The following YWHAH variants were observed in gnomAD, a reference collection of about 807,000 sequenced individuals.
The protein encoded by YWHAH is tyrosine 3-monooxygenase/tryptophan 5-monooxygenase activation protein eta.
Under a neutral mutation model 22.9 loss-of-function variants are expected in YWHAH, and 6 were observed. The observed-to-expected ratio is 0.26, with a 90% CI of 0.14 to 0.52. The LOEUF is 0.52. Among genes scored for constraint, YWHAH ranks in the 20% least tolerant of loss-of-function variants. The pLI is 0.97. For missense variants in YWHAH, 173 were observed against 308.6 expected (o/e 0.56, Z 3.29); for synonymous variants, 135 against 124.5 (o/e 1.08, Z -0.56).
At position 31,944,706 on chromosome 22, in the gene YWHAH, C is replaced by T. The variant is rs2093830617; in HGVS notation, c.-28C>T. On this transcript the variant is annotated 5_prime_UTR_variant, in exon 1 of 2. Transcript: ENST00000248975. ...GGGCTAGCGAGCCAGCGGTGTGAGG[C>T]GCGAGGCGAGGCCGAGCCGCGAGCG... 2 of 1,359,370 alleles carry T rather than the reference C, an allele frequency of 1.5e-6. No homozygotes were observed. The highest frequency in any genetic ancestry group is 1.5e-5 in the South Asian group (1 of 65,328). The allele number at this position is 1,359,370 out of a possible 1,614,324, so 84.2% of individuals were successfully genotyped here. A position where few individuals can be genotyped will look rare whatever the true frequency, so the allele number is the denominator to read the frequency against.
chr22:31,950,308 G>C (rs2093841483), intron 1 of YWHAH: 1 of 778,888 alleles, frequency 1.3e-6, no homozygotes, highest in Admixed American at 1.7e-5. Flanking sequence ...CTGTCTCTAG[G>C]TTGCTGGTAA....
chr22:31,953,954 A>G (rs1348302407), intron 1 of YWHAH, among the ~76,000 whole-genome samples: 1 of 152,192 alleles, frequency 6.6e-6, no homozygotes, highest in African/African-American at 2.4e-5. Context: ...GGGAGGACTC[A>G]GACAATTGCT....
intron 1 of YWHAH, among the ~76,000 whole-genome samples, chr22:31,955,721 C>T (rs1384487824): frequency 6.6e-6 from 1 of 152,202 alleles, no homozygotes; most frequent in Non-Finnish European, 1.5e-5. Context: ...GGATTACAGG[C>T]ATAAGCCATC....
chr22:31,945,372 C>T (rs2093832467), intron 1 of YWHAH: 5 of 1,281,248 alleles, frequency 3.9e-6, no homozygotes, highest in African/African-American at 1.5e-5. Context: ...TGTGCGAAGA[C>T]CCCTTTCCTG....
Position 31,956,119 on chromosome 22 carries a change from A to G in YWHAH, c.88-20A>G, listed in dbSNP as rs1265508264. The G allele has an allele frequency of 6.4e-7, 1 of 1,564,032 alleles. No individual in the cohort carries two copies. The highest frequency in any genetic ancestry group is 2.3e-5 in the East Asian group (1 of 44,326). On this transcript the variant is annotated intron_variant, in intron 1 of 1. Coordinates refer to ENST00000248975, the MANE Select transcript of YWHAH (RefSeq NM_003405.4). This position sits in a 1 kb window ranked among gnomAD's most constrained non-coding sequence, Gnocchi z 5.1. Reference sequence around the variant, plus strand: ...TTTTCAGATTTTGCTTTCAATGTTTATCTTTTTGGGGTTTTGCAGGTGACA... The same window carrying G: ...TTTTCAGATTTTGCTTTCAATGTTTGTCTTTTTGGGGTTTTGCAGGTGACA...
Position 31,956,046 on chromosome 22 carries a change from C to T in YWHAH, c.88-93C>T. The T allele has an allele frequency of 6.9e-7, 1 of 1,445,654 alleles. No individual in the cohort carries two copies. Among genetic ancestry groups the T allele is most frequent in the Non-Finnish European group, 9.3e-7 (1 of 1,071,526 alleles). The allele number at this position is 1,445,654 out of a possible 1,614,324, so 89.6% of individuals were successfully genotyped here. On this transcript the variant is annotated intron_variant, in intron 1 of 1. Coordinates refer to ENST00000248975, the MANE Select transcript of YWHAH (RefSeq NM_003405.4). The surrounding 1 kb of genome is among the most constrained non-coding windows in gnomAD (Gnocchi z 5.1). ...TGACTGACCTGTTCGTAATTCCGTT[C>T]TTGAGAAGGATTGTTGATTATGTTG...
intron 1 of YWHAH, among the ~76,000 whole-genome samples, chr22:31,946,037 G>T (rs1232371917): frequency 6.6e-6 from 1 of 152,226 alleles, no homozygotes; most frequent in Non-Finnish European, 1.5e-5. Context: ...AATATCAGAT[G>T]AAATATGTAG....
intron 1 of YWHAH, 166 bp downstream of exon 1, chr22:31,944,986 G>A (rs1033047744): frequency 3.8e-5 from 43 of 1,119,272 alleles, no homozygotes; most frequent in Non-Finnish European, 4.6e-5. Context: ...CCCGCTGGGC[G>A]CCCCGCCACT....
chr22:31,946,042 A>G (rs1303408857), intron 1 of YWHAH, among the ~76,000 whole-genome samples: 1 of 152,208 alleles, frequency 6.6e-6, no homozygotes, highest in Non-Finnish European at 1.5e-5. Flanking sequence ...CAGATGAAAT[A>G]TGTAGTTGGG....
intron 1 of YWHAH, chr22:31,947,481 T>G: frequency 2.1e-6 from 1 of 471,588 alleles, no homozygotes; most frequent in South Asian, 1.5e-5. Context: ...TGGAGGACAG[T>G]GTTGGTAAGC....
intron 1 of YWHAH, among the ~76,000 whole-genome samples, chr22:31,949,246 T>C (rs1055170495): frequency 2.0e-5 from 3 of 148,358 alleles, no homozygotes; most frequent in African/African-American, 7.7e-5. Flanking sequence ...TTCAAGCAAT[T>C]CTCCTGCCTC....
intron 1 of YWHAH, among the ~76,000 whole-genome samples, chr22:31,949,169 C>T (rs59688361): frequency 0.055 from 5,119 of 93,188 alleles, 316 homozygotes; most frequent in African/African-American, 0.21. Flanking sequence ...GAGACAGTTT[C>T]GCTCTTGTTG....
intron 1 of YWHAH, among the ~76,000 whole-genome samples, chr22:31,949,263 C>G (rs2093839593): frequency 6.6e-6 from 1 of 151,294 alleles, no homozygotes; most frequent in Admixed American, 6.6e-5. Context: ...CCTCAGCCTC[C>G]CAAGTAGCTG....
At chr22:31,948,279 C>T (rs2093837854) in intron 1 of YWHAH, among the ~76,000 whole-genome samples, 1 of 152,120 alleles carries the variant, frequency 6.6e-6, no homozygotes, top group South Asian at 2.1e-4. Context: ...CTGTGAGATT[C>T]TGGGAAGTGG....
chr22:31,955,414 C>T (rs1032322971), intron 1 of YWHAH, among the ~76,000 whole-genome samples: 1 of 151,026 alleles, frequency 6.6e-6, no homozygotes, highest in Non-Finnish European at 1.5e-5. Context: ...ACAAAGGGAC[C>T]GTACGATCTT....
chr22:31,945,756 T>A, intron 1 of YWHAH: 1 of 1,125,704 alleles, frequency 8.9e-7, no homozygotes, highest in Non-Finnish European at 1.1e-6. Context: ...ATGTTCAGTG[T>A]ACAACCTCCT....
intron 1 of YWHAH, chr22:31,945,115 G>A (rs1487043078): frequency 2.8e-6 from 3 of 1,074,816 alleles, no homozygotes; most frequent in Middle Eastern, 4.1e-4. Context: ...AACCCGGCCG[G>A]GGGCAGAGGG....
chr22:31,944,943 C>G (rs899422428), intron 1 of YWHAH, 123 bp downstream of exon 1: 46 of 1,021,942 alleles, frequency 4.5e-5, no homozygotes, highest in Non-Finnish European at 5.4e-5. Context: ...CTGGGCGTGG[C>G]CGCCCGCCCG....
At chr22:31,949,136 CTTT>C (rs760273556) in intron 1 of YWHAH, among the ~76,000 whole-genome samples, 136 of 99,044 alleles carry the variant, frequency 1.4e-3, no homozygotes, top group South Asian at 0.01. Flanking sequence ...ACATATTTTA[CTTT>C]TTTTTTTTTT....
Sources: allele counts gnomAD v4.1 joint callset (sites outside exome capture counted in the v4.1 genomes callset), GRCh38; gene constraint gnomAD v4.1.1; non-coding constraint Gnocchi (gnomAD v3.1); transcripts MANE v1.5; gene names NCBI Gene and HGNC (gene_info 2026-07-23, HGNC 2026-07-21).